The following ZBTB20 variants were observed in gnomAD, a reference collection of about 807,000 sequenced individuals.
ZBTB20 encodes the protein zinc finger and BTB domain containing 20.
In ZBTB20, 9 loss-of-function variants were observed where a neutral mutation model predicts 56.9. That is an observed-to-expected ratio of 0.16 (90% confidence interval 0.10 to 0.28). The LOEUF is 0.28. ZBTB20 is among the 10% of genes least tolerant of loss of function. The pLI, the probability that ZBTB20 is intolerant of heterozygous loss-of-function variation, is 1.00. For synonymous variants in ZBTB20, 417 were observed against 420.7 expected (o/e 0.99, Z 0.11); for missense variants, 655 against 1,003.0 (o/e 0.65, Z 4.69).
intron 6 of ZBTB20, among the ~76,000 whole-genome samples, chr3:114,522,561 A>G (rs895583019): frequency 2.0e-5 from 3 of 152,172 alleles, no homozygotes; most frequent in African/African-American, 4.8e-5. Context: ...AATAGACTGT[A>G]AGTGGTAAGG....
chr3:114,504,617 G>C (rs2044387149), intron 6 of ZBTB20, among the ~76,000 whole-genome samples: 1 of 152,194 alleles, frequency 6.6e-6, no homozygotes, highest in South Asian at 2.1e-4. Context: ...GGAGCTGAAA[G>C]GAAAATCTGT....
intron 5 of ZBTB20, among the ~76,000 whole-genome samples, chr3:114,721,693 A>T (rs1172990173): frequency 6.6e-6 from 1 of 151,892 alleles, no homozygotes; most frequent in Non-Finnish European, 1.5e-5. Flanking sequence ...TGTTCTCCTA[A>T]CCCCCACACT....
chr3:114,677,887 C>A (rs1184585600), intron 6 of ZBTB20, among the ~76,000 whole-genome samples: 1 of 152,054 alleles, frequency 6.6e-6, no homozygotes, highest in Non-Finnish European at 1.5e-5. Context: ...TCTTTTAAAT[C>A]AAAGTTTTAC....
At chr3:114,744,604 A>G (rs930809495) in intron 5 of ZBTB20, among the ~76,000 whole-genome samples, 14 of 152,176 alleles carry the variant, frequency 9.2e-5, no homozygotes, top group Admixed American at 2.0e-4. Context: ...GATTGTAAAA[A>G]GCACTCTGGA....
chr3:115,119,994 A>T (rs1028036203), intron 1 of ZBTB20, among the ~76,000 whole-genome samples: 1 of 152,138 alleles, frequency 6.6e-6, no homozygotes, highest in Non-Finnish European at 1.5e-5. Context: ...GACAGCTTAA[A>T]AAAAAAATCA....
intron 4 of ZBTB20, among the ~76,000 whole-genome samples, chr3:114,819,850 A>G (rs540685327): frequency 5.7e-4 from 87 of 152,030 alleles, no homozygotes; most frequent in Non-Finnish European, 8.8e-4. Flanking sequence ...GTAAAACTAC[A>G]TGAGTAAAGA....
intron 2 of ZBTB20, among the ~76,000 whole-genome samples, chr3:114,986,057 T>C (rs1018787003): frequency 7.2e-5 from 11 of 152,046 alleles, no homozygotes; most frequent in Non-Finnish European, 1.5e-4. Context: ...AGTTTATATA[T>C]GGGGAGATTT....
chr3:114,962,791 T>G (rs750144205), intron 3 of ZBTB20, among the ~76,000 whole-genome samples: 25 of 152,084 alleles, frequency 1.6e-4, no homozygotes, highest in African/African-American at 5.8e-4. Flanking sequence ...AGGCTATTAA[T>G]GACTGAGAAA....
intron 7 of ZBTB20, among the ~76,000 whole-genome samples, chr3:114,432,633 T>C (rs1379038150): frequency 6.6e-6 from 1 of 152,194 alleles, no homozygotes; most frequent in Non-Finnish European, 1.5e-5. Flanking sequence ...CTCAACAGAA[T>C]GTCTAGCTGA....
At chr3:115,012,848 T>C (rs964174015) in intron 2 of ZBTB20, among the ~76,000 whole-genome samples, 3 of 151,700 alleles carry the variant, frequency 2.0e-5, no homozygotes, top group African/African-American at 4.8e-5. Flanking sequence ...ATTCAAAAAA[T>C]TGAAATATTA....
chr3:114,389,760 A>G (rs2085616446), intron 7 of ZBTB20, among the ~76,000 whole-genome samples: 2 of 151,718 alleles, frequency 1.3e-5, no homozygotes, highest in Admixed American at 1.3e-4. Context: ...GTGATGGCGC[A>G]CGCCTGTAGT....
At chr3:114,796,901 C>T (rs1049771740) in intron 5 of ZBTB20, among the ~76,000 whole-genome samples, 1 of 151,692 alleles carries the variant, frequency 6.6e-6, no homozygotes, top group Non-Finnish European at 1.5e-5. Context: ...TCTGAGTTAT[C>T]CATAGTGAAA....
At chr3:114,880,978 C>T (rs561918660) in intron 4 of ZBTB20, among the ~76,000 whole-genome samples, 9 of 151,790 alleles carry the variant, frequency 5.9e-5, no homozygotes, top group South Asian at 2.1e-4. Context: ...ACACTGATAG[C>T]GTACTACTTT....
intron 6 of ZBTB20, among the ~76,000 whole-genome samples, chr3:114,627,681 T>C (rs1377071093): frequency 1.3e-5 from 2 of 152,212 alleles, no homozygotes; most frequent in Non-Finnish European, 2.9e-5. Context: ...TGGGGAATTA[T>C]AACAAAATAA....
chr3:114,755,512 T>C (rs1232115466), intron 5 of ZBTB20, among the ~76,000 whole-genome samples: 1 of 152,190 alleles, frequency 6.6e-6, no homozygotes, highest in Non-Finnish European at 1.5e-5. Context: ...GTTTTAATGG[T>C]TATTATAAAA....
intron 7 of ZBTB20, among the ~76,000 whole-genome samples, chr3:114,421,183 C>T (rs970399954): frequency 2.0e-5 from 3 of 151,986 alleles, no homozygotes; most frequent in African/African-American, 7.2e-5. Context: ...TTACTTTTTG[C>T]CAGCTCACTA....
intron 6 of ZBTB20, among the ~76,000 whole-genome samples, chr3:114,531,801 T>A (rs921599039): frequency 6.6e-5 from 10 of 152,108 alleles, no homozygotes; most frequent in Non-Finnish European, 1.5e-4. Context: ...GCTCATCTCA[T>A]TGGGACTGGT....
chr3:114,597,351 GTT>G (rs1489765581), intron 6 of ZBTB20, among the ~76,000 whole-genome samples: 1 of 152,124 alleles, frequency 6.6e-6, no homozygotes, highest in Non-Finnish European at 1.5e-5. Context: ...GTGAGCCATG[GTT>G]ATAACTAGAA....
In ZBTB20 at chr3:114,800,750, AAAAATAAAATAAAAT is replaced by A. The variant is rs149193013; in HGVS notation, c.-343+336_-343+350del. Among the ~76,000 whole-genome samples, 1,307 of 142,316 alleles carry A rather than the reference AAAAATAAAATAAAAT, an allele frequency of 9.2e-3. 12 individuals carry two copies. The highest frequency in any genetic ancestry group is 0.028 in the South Asian group (126 of 4,538). The allele number at this position is 142,316 out of a possible 152,430, so 93.4% of individuals were successfully genotyped here. On this transcript the variant is annotated intron_variant, in intron 5 of 11. Transcript: ENST00000675478. ...ATCTTTTACCTTCAGTGAGACTAGT[AAAAATAAAATAAAAT>A]AAAATAAAATAAAATAAAATAAAAT...
Sources: gnomAD v4.1 joint callset for allele counts (sites outside exome capture counted in the v4.1 genomes callset) on GRCh38, gnomAD v4.1.1 for gene constraint, MANE v1.5 for transcripts, NCBI Gene and HGNC (gene_info 2026-07-23, HGNC 2026-07-21) for gene names.